OPA1: variants seen among roughly 807,000 people sequenced by gnomAD.
OPA1 encodes the protein dynamin-like GTPase OPA1, mitochondrial.
Under a neutral mutation model 152.9 loss-of-function variants are expected in OPA1, and 59 were observed. The ratio of observed to expected loss-of-function variants is 0.39; its 90% confidence interval spans 0.31 to 0.48. The LOEUF (loss-of-function observed/expected upper bound fraction) is 0.48. Ranked by LOEUF, OPA1 falls within the 20% of genes least tolerant of loss-of-function variation. OPA1 has a pLI of 0.96. For synonymous variants in OPA1, 400 were observed against 389.9 expected (o/e 1.03, Z -0.31); for missense variants, 1,008 against 1,216.8 (o/e 0.83, Z 2.55).
At chr3:193,694,086 G>A (rs4687449) in intron 30 of OPA1, among the ~76,000 whole-genome samples, 85,597 of 152,040 alleles carry the variant, frequency 0.56, 24,332 homozygotes, top group East Asian at 0.69. Flanking sequence ...CAGAGTTGCT[G>A]TTGCTGCTAC....
intron 1 of OPA1, among the ~76,000 whole-genome samples, chr3:193,607,322 T>C (rs1727443732): frequency 6.6e-6 from 1 of 152,262 alleles, no homozygotes; most frequent in Non-Finnish European, 1.5e-5. Flanking sequence ...TTTGGTGTTT[T>C]AGACATGAAG....
chr3:193,676,785 CCTGG>C (rs1719100065), intron 29 of OPA1, among the ~76,000 whole-genome samples: 1 of 152,056 alleles, frequency 6.6e-6, no homozygotes, highest in Non-Finnish European at 1.5e-5. Context: ...TCCAGACCAT[CCTGG>C]CTAACACAGT....
chr3:193,643,749 G>T, intron 15 of OPA1, 122 bp downstream of exon 15: 1 of 969,754 alleles, frequency 1.0e-6, no homozygotes, highest in Non-Finnish European at 1.6e-6. Flanking sequence ...CCTTCTCTTC[G>T]TATTCATTTT....
intron 25 of OPA1, among the ~76,000 whole-genome samples, chr3:193,661,393 T>C (rs1484782494): frequency 2.6e-5 from 4 of 152,178 alleles, no homozygotes; most frequent in Admixed American, 6.5e-5. Flanking sequence ...GTCAGACTCA[T>C]TGAGTCAAGC....
At chr3:193,602,265 G>T in intron 1 of OPA1, among the ~76,000 whole-genome samples, 1 of 152,138 alleles carries the variant, frequency 6.6e-6, no homozygotes, top group East Asian at 1.9e-4. Flanking sequence ...ATGGTTCAAA[G>T]CCCTGAAGCT....
Position 193,679,115 on chromosome 3 carries a change from C to T in OPA1, c.2983+11835C>T, listed in dbSNP as rs144207411. Among the ~76,000 whole-genome samples the T allele has an allele frequency of 3.7e-4, 57 of 152,190 alleles. 1 individual carries two copies. In the East Asian group the frequency reaches 0.01, roughly 27 times the overall value. On this transcript the variant is annotated intron_variant, in intron 29 of 30. Transcript: ENST00000361510. ...TGGACACAGGGAGGGGAACAGCATACGCCAGGGCCTGTTGGGGCGTGGGGG... is the reference window on the plus strand; with the variant it reads ...TGGACACAGGGAGGGGAACAGCATATGCCAGGGCCTGTTGGGGCGTGGGGG...
intron 1 of OPA1, among the ~76,000 whole-genome samples, chr3:193,607,642 G>A (rs1727499048): frequency 1.3e-5 from 2 of 152,324 alleles, no homozygotes; most frequent in East Asian, 1.9e-4. Context: ...TTTGGTACCA[G>A]TACCATGCTG....
chr3:193,668,294 A>G (rs1191801919), intron 29 of OPA1: 2 of 1,527,660 alleles, frequency 1.3e-6, no homozygotes, highest in Admixed American at 3.9e-5. Context: ...TTGAATGAAG[A>G]TATGTCCTTT....
intron 29 of OPA1, among the ~76,000 whole-genome samples, chr3:193,673,746 A>G (rs1718420580): frequency 6.6e-6 from 1 of 152,230 alleles, no homozygotes; most frequent in Non-Finnish European, 1.5e-5. Flanking sequence ...ATGTGAGAGA[A>G]GATATACTTT....
intron 7 of OPA1, among the ~76,000 whole-genome samples, chr3:193,630,567 G>T (rs1400232724): frequency 2.0e-5 from 3 of 152,164 alleles, no homozygotes; most frequent in Non-Finnish European, 4.4e-5. Flanking sequence ...TTGCTGCCAT[G>T]ATGTGTTGTG....
chr3:193,673,065 G>A (rs575220504), intron 29 of OPA1, among the ~76,000 whole-genome samples: 2 of 152,256 alleles, frequency 1.3e-5, no homozygotes, highest in South Asian at 2.1e-4. Context: ...TTTTGAGTTA[G>A]GTAGTTATTT....
intron 27 of OPA1, 119 bp from the exon 28 acceptor site, chr3:193,666,177 A>T: frequency 1.2e-6 from 1 of 811,862 alleles, no homozygotes; most frequent in African/African-American, 1.7e-5. Flanking sequence ...TGCATTAGGT[A>T]AATCTGAGTA....
intron 7 of OPA1, among the ~76,000 whole-genome samples, chr3:193,626,428 T>C (rs768183646): frequency 9.9e-5 from 15 of 152,108 alleles, no homozygotes; most frequent in Non-Finnish European, 1.9e-4. Context: ...TTTCTGAAAA[T>C]TAGGTTGTCT....
intron 23 of OPA1, among the ~76,000 whole-genome samples, chr3:193,657,955 T>G (rs1364172136): frequency 1.3e-5 from 2 of 152,140 alleles, no homozygotes; most frequent in African/African-American, 4.8e-5. Context: ...AAGAAGTGTT[T>G]GTCTTTATGG....
chr3:193,688,929 T>G (rs981758380), intron 29 of OPA1: 1 of 152,240 alleles, frequency 6.6e-6, no homozygotes, highest in Non-Finnish European at 1.5e-5. Flanking sequence ...GAGGCTGTAG[T>G]GAGCCGTGTT....
chr3:193,600,015 G>GC (rs1301363389), intron 1 of OPA1, among the ~76,000 whole-genome samples: 5 of 152,214 alleles, frequency 3.3e-5, no homozygotes, highest in African/African-American at 1.2e-4. Flanking sequence ...GCTGGGATTG[G>GC]CCAACACTCA....
chr3:193,608,343 G>A (rs183527469), intron 1 of OPA1, among the ~76,000 whole-genome samples: 36 of 152,274 alleles, frequency 2.4e-4, no homozygotes, highest in Admixed American at 7.2e-4. Context: ...GGCATTTAGT[G>A]CTATAAATTT....
intron 29 of OPA1, among the ~76,000 whole-genome samples, chr3:193,685,470 TTAAG>T (rs1177587163): frequency 1.3e-5 from 2 of 152,174 alleles, no homozygotes; most frequent in African/African-American, 4.8e-5. Flanking sequence ...CCTTTAATGA[TTAAG>T]TATTGTTTAA....
chr3:193,597,004 A>C (rs1049678098), intron 1 of OPA1: 1 of 152,200 alleles, frequency 6.6e-6, no homozygotes, highest in Non-Finnish European at 1.5e-5. Flanking sequence ...AGTGGTGTCA[A>C]CGCCTAAAGT....
Sources: allele counts gnomAD v4.1 joint callset (sites outside exome capture counted in the v4.1 genomes callset), GRCh38; gene constraint gnomAD v4.1.1; transcripts MANE v1.5; gene names NCBI Gene and HGNC (gene_info 2026-07-23, HGNC 2026-07-21).